Variants in DMXL2 observed in about 807,000 individuals in gnomAD.
The protein encoded by DMXL2 is Dmx like 2.
In DMXL2, 103 loss-of-function variants were observed where a neutral mutation model predicts 331.1. The observed-to-expected ratio is 0.31, with a 90% CI of 0.27 to 0.37. The LOEUF is 0.37. DMXL2 is among the 10% of genes least tolerant of loss of function. The probability of loss-of-function intolerance (pLI) is 1.00; values close to 1 mark genes in which losing one functional copy is unlikely to be tolerated. For synonymous variants in DMXL2, 1,281 were observed against 1,252.1 expected (o/e 1.02, Z -0.49); for missense variants, 3,171 against 3,642.9 (o/e 0.87, Z 3.33).
chr15:51,478,450 A>G lies in DMXL2; in HGVS notation c.6757-103T>C, dbSNP rs57008874. On this transcript the variant is annotated intron_variant, in intron 25 of 43. Transcript: ENST00000560891. ...TCCAGGAAACCTAGCAACATCATAA[A>G]TAAGACTGAATCCTAGATGAGACTA... 4.2e-4 allele frequency: 396 copies of G among 938,968 alleles called. 1 individual carries two copies. Among genetic ancestry groups the G allele is most frequent in the African/African-American group, 3.8e-3 (231 of 60,448 alleles). 58.2% of individuals were successfully genotyped at this position (938,968 alleles called of 1,614,324 possible). A position where few individuals can be genotyped will look rare whatever the true frequency, so the allele number is the denominator to read the frequency against.
chr15:51,621,873 G>A (rs975287929), intron 1 of DMXL2, among the ~76,000 whole-genome samples: 15 of 152,122 alleles, frequency 9.9e-5, no homozygotes, highest in African/African-American at 3.4e-4. Flanking sequence ...TCTTTCGGGC[G>A]CGGAGGATGA....
intron 34 of DMXL2, chr15:51,459,129 A>G (rs371173196): frequency 5.7e-5 from 14 of 243,902 alleles, no homozygotes; most frequent in African/African-American, 2.7e-4. Flanking sequence ...ATTCTGCAAT[A>G]AGAATGTGTA....
At position 51,481,505 on chromosome 15, in the gene DMXL2, G is replaced by A. The variant is rs1441221127; in HGVS notation, c.5601C>T (p.Leu1867=). Residue 1867 remains leucine (L), a synonymous_variant, in exon 24 of 44, where the codon CTC becomes CTT. Transcript: ENST00000560891. Reference sequence around the variant, plus strand: ...TATCAACAAAGTTCTTCTCAGTTTTGAGACCTAAGGTTGCCAAAGTTCCTT... The same window carrying A: ...TATCAACAAAGTTCTTCTCAGTTTTAAGACCTAAGGTTGCCAAAGTTCCTT... ...SPEGTLATLG[L]KTEKNFVDKI... 1 of 1,613,614 alleles carries A rather than the reference G, an allele frequency of 6.2e-7. No individual in the cohort carries two copies. Among genetic ancestry groups the A allele is most frequent in the African/African-American group, 1.3e-5 (1 of 74,856 alleles).
intron 6 of DMXL2, among the ~76,000 whole-genome samples, chr15:51,548,454 TAGAC>T (rs553433476): frequency 5.3e-5 from 8 of 152,168 alleles, no homozygotes; most frequent in Admixed American, 1.3e-4. Flanking sequence ...TGTTTGCCCT[TAGAC>T]AGCCACTTAA....
intron 6 of DMXL2, among the ~76,000 whole-genome samples, chr15:51,559,860 A>G (rs370245039): frequency 1.3e-5 from 2 of 152,356 alleles, no homozygotes; most frequent in Non-Finnish European, 2.9e-5. Flanking sequence ...GTAAATTAGT[A>G]TATCAACTTT....
At position 51,517,140 on chromosome 15, in the gene DMXL2, C is replaced by A; in HGVS notation, c.2464G>T (p.Val822Leu). The A allele has an allele frequency of 1.2e-6, 2 of 1,613,802 alleles. No individual in the cohort carries two copies. The highest frequency in any genetic ancestry group is 1.3e-5 in the African/African-American group (1 of 75,008). Residue 822 changes from valine to leucine, a missense_variant, in exon 14 of 44, where the codon GTG (valine) becomes TTG (leucine). Around this residue, in one of 7 missense-constraint regions of DMXL2, gnomAD observed 1,674 missense variants for 1,780.2 expected, o/e 0.94. Coordinates refer to ENST00000560891, the MANE Select transcript of DMXL2 (RefSeq NM_001378457.1). ...SKLIGEVFNI[V>L]SQQSTARPGC... The stretch of plus-strand genomic sequence containing the variant: ...GGTCGAGCAGTAGACTGTTGGCTCA[C>A]AATATTAAACACTTCTCCAATAAGT...
chr15:51,501,953 G>A (rs1283712467), intron 17 of DMXL2, among the ~76,000 whole-genome samples: 7 of 148,420 alleles, frequency 4.7e-5, no homozygotes, highest in Admixed American at 1.4e-4. Flanking sequence ...TATTTTGGCC[G>A]GGCGTGGTGG....
intron 13 of DMXL2, among the ~76,000 whole-genome samples, chr15:51,527,256 GA>G (rs1334993576): frequency 4.0e-5 from 6 of 150,364 alleles, no homozygotes; most frequent in Non-Finnish European, 8.9e-5. Context: ...GTGCTGAAAA[GA>G]AAAAAAAATT....
intron 6 of DMXL2, among the ~76,000 whole-genome samples, chr15:51,561,908 T>C (rs1021466090): frequency 5.3e-5 from 8 of 152,218 alleles, no homozygotes; most frequent in Admixed American, 5.2e-4. Context: ...GAAGTCATTA[T>C]GTTACATGAA....
At chr15:51,495,485 G>A (rs1596005257) in intron 18 of DMXL2, among the ~76,000 whole-genome samples, 1 of 152,154 alleles carries the variant, frequency 6.6e-6, no homozygotes, top group African/African-American at 2.4e-5. Flanking sequence ...TTTTCTACAT[G>A]AATTCCGATG....
intron 28 of DMXL2, 68 bp from the exon 29 acceptor site, chr15:51,471,469 T>C (rs2140309752): frequency 1.4e-6 from 2 of 1,418,456 alleles, no homozygotes; most frequent in Middle Eastern, 2.2e-4. Context: ...AGAGTTAAGC[T>C]TTCTTTTTAT....
chr15:51,506,704 C>T (rs755141585), intron 16 of DMXL2, among the ~76,000 whole-genome samples: 5 of 151,688 alleles, frequency 3.3e-5, no homozygotes, highest in Admixed American at 3.3e-4. Context: ...CCGCCCACCT[C>T]GGCCTCCCAG....
intron 16 of DMXL2, among the ~76,000 whole-genome samples, chr15:51,504,237 T>A (rs776114769): frequency 4.6e-5 from 7 of 152,168 alleles, no homozygotes; most frequent in Non-Finnish European, 7.4e-5. Flanking sequence ...ATTAAGAAAT[T>A]TAAACTCAGA....
intron 9 of DMXL2, among the ~76,000 whole-genome samples, chr15:51,542,011 T>C (rs1287658272): frequency 6.6e-6 from 1 of 152,128 alleles, no homozygotes; most frequent in Non-Finnish European, 1.5e-5. Context: ...AACTGTGAAG[T>C]GAGAGAAATT....
chr15:51,528,409 A>G (rs1224339142), intron 13 of DMXL2, among the ~76,000 whole-genome samples: 1 of 152,144 alleles, frequency 6.6e-6, no homozygotes, highest in East Asian at 1.9e-4. Context: ...GGAAACCAAA[A>G]AAGAGCAGGA....
At chr15:51,589,098 G>T (rs1835866634) in intron 1 of DMXL2, among the ~76,000 whole-genome samples, 1 of 152,144 alleles carries the variant, frequency 6.6e-6, no homozygotes, top group African/African-American at 2.4e-5. Flanking sequence ...AAATGACGGT[G>T]GCTAATAACC....
At position 51,622,759 on chromosome 15, in the gene DMXL2, C is replaced by A. The variant is rs2054745947; in HGVS notation, c.-214G>T. 4.6e-6 allele frequency: 4 copies of A among 873,482 alleles called. No individual in the cohort carries two copies. In the East Asian group the frequency reaches 1.2e-4, roughly 26 times the overall value. The allele number at this position is 873,482 out of a possible 1,614,324, so 54.1% of individuals were successfully genotyped here. A position where few individuals can be genotyped will look rare whatever the true frequency, so the allele number is the denominator to read the frequency against. On this transcript the variant is annotated 5_prime_UTR_variant, in exon 1 of 44. Transcript: ENST00000560891. ...CGCCGCCGCCGCCCGGGTCGCCGCT[C>A]AGCTGCGGAAATGCCCGGATGTTCC...
Position 51,498,427 on chromosome 15 carries a change from T to C in DMXL2, c.4672+125A>G, listed in dbSNP as rs1327584414. On this transcript the variant is annotated intron_variant, in intron 18 of 43. Transcript: ENST00000560891. ...ATATTATATAATAGTAATTACCTAT[T>C]AAGGAGGTCTTTTCCCTGCAAAGTT... The C allele has an allele frequency of 1.0e-5, 9 of 878,898 alleles. No individual in the cohort carries two copies. In the East Asian group the frequency reaches 1.1e-4, roughly 10 times the overall value. The allele number at this position is 878,898 out of a possible 1,614,324, so 54.4% of individuals were successfully genotyped here.
chr15:51,453,361 T>C (rs2039326313), intron 41 of DMXL2, 189 bp downstream of exon 41: 1 of 454,846 alleles, frequency 2.2e-6, no homozygotes. Context: ...TTACATATAT[T>C]AGGAATAACT....
Sources: gnomAD v4.1 joint callset for allele counts (sites outside exome capture counted in the v4.1 genomes callset) on GRCh38, gnomAD v4.1.1 for gene constraint, gnomAD v4.1.1 regional missense constraint, MANE v1.5 for transcripts, NCBI Gene and HGNC (gene_info 2026-07-23, HGNC 2026-07-21) for gene names.